The following MAN2B2 variants were observed in gnomAD, a reference collection of about 807,000 sequenced individuals.
The protein encoded by MAN2B2 is mannosidase alpha class 2B member 2.
In MAN2B2, 106 loss-of-function variants were observed where a neutral mutation model predicts 117.1. The ratio of observed to expected loss-of-function variants is 0.90; its 90% confidence interval spans 0.77 to 1.06. The LOEUF is 1.06. MAN2B2 is among the 50% of genes least tolerant of loss of function. The pLI is 0.00. For missense variants in MAN2B2, 1,326 were observed against 1,381.4 expected (o/e 0.96, Z 0.64); for synonymous variants, 544 against 595.1 (o/e 0.91, Z 1.25).
At chr4:6,580,634 C>G (rs903247308) in intron 3 of MAN2B2, among the ~76,000 whole-genome samples, 1 of 152,228 alleles carries the variant, frequency 6.6e-6, no homozygotes, top group Non-Finnish European at 1.5e-5. Context: ...ATCTCTGAGT[C>G]TCTGCAGTTC....
intron 4 of MAN2B2, among the ~76,000 whole-genome samples, chr4:6,588,080 C>T (rs905022564): frequency 1.8e-4 from 28 of 152,092 alleles, no homozygotes; most frequent in Non-Finnish European, 1.2e-4. Flanking sequence ...TTTCTTTTAA[C>T]CCTCACAGCA....
intron 3 of MAN2B2, among the ~76,000 whole-genome samples, chr4:6,582,662 T>G (rs1282302165): frequency 6.6e-6 from 1 of 151,892 alleles, no homozygotes; most frequent in African/African-American, 2.4e-5. Flanking sequence ...GAAAACACAC[T>G]TAAATTGTCT....
At position 6,582,713 on chromosome 4, in the gene MAN2B2, G is replaced by A. The variant is rs569800856; in HGVS notation, c.391+4215G>A. On this transcript the variant is annotated intron_variant, in intron 3 of 18. Coordinates refer to ENST00000285599, the MANE Select transcript of MAN2B2 (RefSeq NM_015274.3). Reference sequence around the variant, plus strand: ...TTTTTTTTAACATGGGGTCCACTGTGTTGCCCAGGCTGGTCTTGAACTCCT... The same window carrying A: ...TTTTTTTTAACATGGGGTCCACTGTATTGCCCAGGCTGGTCTTGAACTCCT... Among the ~76,000 whole-genome samples, 41 of 152,262 alleles carry A rather than the reference G, an allele frequency of 2.7e-4. No individual in the cohort carries two copies. The South Asian group carries it at 2.9e-3, about 11-fold the overall frequency.
In MAN2B2 at chr4:6,617,436, C is replaced by G; in HGVS notation, c.2758C>G (p.Leu920Val). Residue 920 changes from leucine to valine, a missense_variant, in exon 17 of 19, where the codon CTA (leucine) becomes GTA (valine). By Grantham distance (32) the Leu-to-Val change is conservative. Transcript: ENST00000285599. The stretch of plus-strand genomic sequence containing the variant: ...CCGTGTCCTGCTGCGGCTCTACCAC[C>G]TATATGAAGTGGGCGAGGACCCAGT... ...LRRVLLRLYH[L>V]YEVGEDPVLS... is the part of the protein sequence containing the mutation. 1 of 1,614,188 alleles carries G rather than the reference C, an allele frequency of 6.2e-7. No homozygotes were observed. Among genetic ancestry groups the G allele is most frequent in the Non-Finnish European group, 8.5e-7 (1 of 1,180,024 alleles).
At chr4:6,610,589 G>A (rs143597556) in intron 13 of MAN2B2, among the ~76,000 whole-genome samples, 9 of 152,322 alleles carry the variant, frequency 5.9e-5, no homozygotes, top group East Asian at 1.9e-4. Context: ...CTTGTGCCTC[G>A]GTTTCCTCTC....
intron 14 of MAN2B2, 29 bp downstream of exon 14, chr4:6,611,019 C>A (rs898169402): frequency 6.2e-7 from 1 of 1,613,262 alleles, no homozygotes; most frequent in Non-Finnish European, 8.5e-7. Context: ...CCTACAGCAG[C>A]CCCTCGCGGC....
intron 3 of MAN2B2, among the ~76,000 whole-genome samples, chr4:6,579,063 TCACCATCACCACCACCAC>T (rs1560634205): frequency 1.8e-4 from 6 of 33,178 alleles, no homozygotes; most frequent in Non-Finnish European, 3.1e-4. Context: ...ACCACCACCA[TCACCATCACCACCACCAC>T]CACCATCACC....
chr4:6,613,721 A>G (rs566670855), intron 15 of MAN2B2, among the ~76,000 whole-genome samples: 1 of 100,220 alleles, frequency 1.0e-5, no homozygotes, highest in Admixed American at 1.2e-4. Context: ...AGGGAGGGGA[A>G]GGGAAGGGAA....
chr4:6,616,040 G>A (rs1442843244), intron 16 of MAN2B2, among the ~76,000 whole-genome samples: 3 of 152,108 alleles, frequency 2.0e-5, no homozygotes, highest in African/African-American at 4.8e-5. Flanking sequence ...CTGACAGCAG[G>A]CAATCCGCCC....
At chr4:6,608,008 CT>C (rs1399770669) in intron 11 of MAN2B2, among the ~76,000 whole-genome samples, 1 of 152,230 alleles carries the variant, frequency 6.6e-6, no homozygotes, top group Non-Finnish European at 1.5e-5. Flanking sequence ...TCTTCATGTA[CT>C]TACTGGTCAC....
rs963014310 is a variant in MAN2B2 at position 6,595,977 on chromosome 4, T to G, written c.1058-1136T>G. ...GTTGGGGGATGTCCGTGGATGTGGG[T>G]GTGGTTATAGTCAAGGCAGGAGGAG... is the stretch of plus-strand genomic sequence containing the variant. On this transcript the variant is annotated intron_variant, in intron 7 of 18. Coordinates refer to ENST00000285599, the MANE Select transcript of MAN2B2 (RefSeq NM_015274.3). Among the ~76,000 whole-genome samples the G allele has an allele frequency of 3.3e-5, 5 of 152,078 alleles. No individual in the cohort carries two copies. The East Asian group carries it at 7.7e-4, about 24-fold the overall frequency.
At position 6,587,093 on chromosome 4, in the gene MAN2B2, T is replaced by G. The variant is rs1178689255; in HGVS notation, c.489T>G (p.Phe163Leu). 6 of 1,613,912 alleles carry G rather than the reference T, an allele frequency of 3.7e-6. No individual in the cohort carries two copies. The highest frequency in any genetic ancestry group is 2.7e-5 in the African/African-American group (2 of 74,942). ...FGASATTPTL[F>L]ALAGFNAHLG... ...CCTCTGCCACGACGCCCACCCTATT[T>G]GCGCTGGCGGGCTTCAATGCCCACC... Residue 163 changes from phenylalanine (F) to leucine (L), a missense_variant, in exon 4 of 19, where the codon TTT (phenylalanine) becomes TTG (leucine). Transcript: ENST00000285599.
In MAN2B2 at chr4:6,594,507, C is replaced by T. The variant is rs756687443; in HGVS notation, c.859-27C>T. ...GGGCGAGCGCCCTGCTCCCACGGCA[C>T]AGGATGTTGCTCCCATGTCCCTGCA... On this transcript the variant is annotated intron_variant, in intron 6 of 18. Coordinates refer to ENST00000285599, the MANE Select transcript of MAN2B2 (RefSeq NM_015274.3). 4 of 1,608,730 alleles carry T rather than the reference C, an allele frequency of 2.5e-6. No individual in the cohort carries two copies. In the South Asian group the frequency reaches 4.4e-5, roughly 18 times the overall value.
rs554527090 is a variant in MAN2B2 at position 6,613,783 on chromosome 4, G to A, written c.2564-435G>A. ...GAAAAGAAGAGAGGGAGGGAAGGAA[G>A]GAAAGAAGGAAGAAAGGAAGAGGGA... On this transcript the variant is annotated intron_variant, in intron 15 of 18. Transcript: ENST00000285599. Among the ~76,000 whole-genome samples, 10 of 145,838 alleles carry A rather than the reference G, an allele frequency of 6.9e-5. No homozygotes were observed. The South Asian group carries it at 2.0e-3, about 29-fold the overall frequency.
intron 3 of MAN2B2, among the ~76,000 whole-genome samples, chr4:6,584,954 G>A (rs543774512): frequency 3.9e-4 from 59 of 152,230 alleles, no homozygotes; most frequent in African/African-American, 1.3e-3. Flanking sequence ...TGTCTGGTGC[G>A]AGGCCGTACC....
chr4:6,605,285 G>A lies in MAN2B2; in HGVS notation c.1770G>A (p.Val590=). ...CTGTGGCAAACGACTGCTACATTGT[G>A]CTGCTCGACCAGGATACCAACCTGA... ...LVPVANDCYI[V]LLDQDTNLMH... Residue 590 remains valine, a synonymous_variant, in exon 11 of 19, where the codon GTG becomes GTA. Coordinates refer to ENST00000285599, the MANE Select transcript of MAN2B2 (RefSeq NM_015274.3). 6.2e-7 allele frequency: 1 copy of A among 1,613,858 alleles called. No homozygotes were observed. The highest frequency in any genetic ancestry group is 8.5e-7 in the Non-Finnish European group (1 of 1,179,782).
chr4:6,579,195 C>T (rs796693512), intron 3 of MAN2B2, among the ~76,000 whole-genome samples: 1 of 65,396 alleles, frequency 1.5e-5, no homozygotes, highest in Non-Finnish European at 3.5e-5. Context: ...ATCACCAGCA[C>T]CACCACCATC....
chr4:6,589,384 G>C (rs1726772999), intron 5 of MAN2B2, among the ~76,000 whole-genome samples: 1 of 152,160 alleles, frequency 6.6e-6, no homozygotes, highest in South Asian at 2.1e-4. Context: ...AGGATTATAG[G>C]CACCCACCAC....
intron 3 of MAN2B2, among the ~76,000 whole-genome samples, chr4:6,585,562 C>A (rs990835915): frequency 6.6e-6 from 1 of 152,198 alleles, no homozygotes; most frequent in Non-Finnish European, 1.5e-5. Flanking sequence ...GTGATTCTGG[C>A]ATGGAGTCCT....
Sources: gnomAD v4.1 joint callset for allele counts (sites outside exome capture counted in the v4.1 genomes callset) on GRCh38, gnomAD v4.1.1 for gene constraint, MANE v1.5 for transcripts, NCBI Gene and HGNC (gene_info 2026-07-23, HGNC 2026-07-21) for gene names.